The following PKN2 variants were observed in gnomAD, a reference collection of about 807,000 sequenced individuals.
The protein encoded by PKN2 is protein kinase N2.
In PKN2, 38 loss-of-function variants were observed where a neutral mutation model predicts 119.1. The observed-to-expected ratio is 0.32, with a 90% confidence interval of 0.25 to 0.42. The LOEUF (loss-of-function observed/expected upper bound fraction) is 0.42, where lower values mean the gene tolerates loss of function less well. PKN2 is among the 10% of genes least tolerant of loss of function. The pLI is 1.00. For missense variants in PKN2, 850 were observed against 1,165.1 expected (o/e 0.73, Z 3.94); for synonymous variants, 390 against 384.9 (o/e 1.01, Z -0.15).
chr1:88,832,359 T>G (rs148584624), intron 19 of PKN2, among the ~76,000 whole-genome samples: 1 of 152,006 alleles, frequency 6.6e-6, no homozygotes, highest in East Asian at 1.9e-4. Flanking sequence ...TATTCCCTAC[T>G]GTCTGTTAGA....
chr1:88,693,284 A>T (rs1666402199), intron 1 of PKN2, among the ~76,000 whole-genome samples: 1 of 152,188 alleles, frequency 6.6e-6, no homozygotes, highest in African/African-American at 2.4e-5. Flanking sequence ...ATCAGATTTA[A>T]TACTGGATAT....
intron 18 of PKN2, among the ~76,000 whole-genome samples, chr1:88,827,980 C>T (rs1407059979): frequency 1.3e-5 from 2 of 152,040 alleles, no homozygotes; most frequent in Non-Finnish European, 2.9e-5. Context: ...CCGCCTCGGC[C>T]TCCCAAAGTG....
intron 16 of PKN2, among the ~76,000 whole-genome samples, chr1:88,818,753 G>C (rs1048038301): frequency 6.6e-6 from 1 of 152,038 alleles, no homozygotes; most frequent in African/African-American, 2.4e-5. Flanking sequence ...AAATTTGGAG[G>C]CATCACGCTA....
At chr1:88,690,451 TTACTC>T (rs770500123) in intron 1 of PKN2, among the ~76,000 whole-genome samples, 2 of 152,236 alleles carry the variant, frequency 1.3e-5, no homozygotes, top group Non-Finnish European at 2.9e-5. Context: ...AAAGCCAATT[TTACTC>T]TACAGTATAT....
At position 88,823,468 on chromosome 1, in the gene PKN2, G is replaced by A. The variant is rs113872346; in HGVS notation, c.2343-842G>A. 2.8e-3 allele frequency among the ~76,000 whole-genome samples: 420 copies of A among 152,066 alleles called. 4 individuals are homozygous for A. Among genetic ancestry groups the A allele is most frequent in the Middle Eastern group, 6.8e-3 (2 of 294 alleles). The stretch of plus-strand genomic sequence containing the variant: ...TGTAATCCCAGCACTTTTGGAGGCC[G>A]AGGCAGGTGGATCACCTGAGGTCAG... On this transcript the variant is annotated intron_variant, in intron 17 of 21. Transcript: ENST00000370521.
intron 1 of PKN2, among the ~76,000 whole-genome samples, chr1:88,686,240 G>A (rs969856313): frequency 6.6e-6 from 1 of 152,108 alleles, no homozygotes; most frequent in African/African-American, 2.4e-5. Context: ...GGTTTTGATT[G>A]AGAAAGATGA....
rs531179479 is a variant in PKN2 at position 88,794,826 on chromosome 1, T to G, written c.1281+8613T>G. Reference sequence around the variant, plus strand: ...CTATTTACCCTAAAACCAATGTTACTCTGAAGCATTTCTTTACTGATACTG... The same window carrying G: ...CTATTTACCCTAAAACCAATGTTACGCTGAAGCATTTCTTTACTGATACTG... On this transcript the variant is annotated intron_variant, in intron 8 of 21. Transcript: ENST00000370521. 2.0e-5 allele frequency among the ~76,000 whole-genome samples: 3 copies of G among 152,286 alleles called. No individual in the cohort carries two copies. The South Asian group carries it at 6.2e-4, about 32-fold the overall frequency.
chr1:88,798,172 A>G (rs1671167255), intron 8 of PKN2, among the ~76,000 whole-genome samples: 1 of 151,780 alleles, frequency 6.6e-6, no homozygotes, highest in African/African-American at 2.4e-5. Flanking sequence ...TTCTACCAAC[A>G]TGAGCTTGCA....
intron 15 of PKN2, among the ~76,000 whole-genome samples, chr1:88,811,334 T>C (rs753715140): frequency 1.3e-5 from 2 of 152,194 alleles, no homozygotes; most frequent in African/African-American, 2.4e-5. Flanking sequence ...AATGATGTTT[T>C]CCCCTGACTA....
chr1:88,733,659 A>C (rs1668231452), intron 1 of PKN2, among the ~76,000 whole-genome samples: 1 of 152,136 alleles, frequency 6.6e-6, no homozygotes, highest in African/African-American at 2.4e-5. Flanking sequence ...TGTTACCTTT[A>C]CTATGCAGAA....
chr1:88,779,695 T>C (rs183976610), intron 6 of PKN2, among the ~76,000 whole-genome samples: 47 of 152,348 alleles, frequency 3.1e-4, no homozygotes, highest in African/African-American at 9.6e-4. Context: ...ATGAAAGTGT[T>C]CTTCAATATT....
rs113723336 is a variant in PKN2 at position 88,765,514 on chromosome 1, A to G, written c.505-4838A>G. Among the ~76,000 whole-genome samples the G allele has an allele frequency of 9.9e-3, 1,510 of 152,254 alleles. 22 individuals are homozygous for G. The highest frequency in any genetic ancestry group is 0.034 in the African/African-American group (1,426 of 41,542). On this transcript the variant is annotated intron_variant, in intron 3 of 21. Transcript: ENST00000370521. ...ATATAGAAAAAAGTTGCACATATTT[A>G]GTTATACATTTCAATTAATTTGTAT... is the stretch of plus-strand genomic sequence containing the variant.
chr1:88,827,435 T>C (rs1187535834), intron 18 of PKN2, among the ~76,000 whole-genome samples: 1 of 151,922 alleles, frequency 6.6e-6, no homozygotes, highest in Non-Finnish European at 1.5e-5. Context: ...ACCTTATACA[T>C]AGCCTGAAGG....
At chr1:88,828,410 T>C in intron 18 of PKN2, 71 bp from the exon 19 acceptor site, 1 of 1,378,694 alleles carries the variant, frequency 7.3e-7, no homozygotes, top group Non-Finnish European at 1.0e-6. Flanking sequence ...CTCCCAAAGA[T>C]AGCTTTGATT....
At chr1:88,751,984 G>A (rs1669019115) in intron 2 of PKN2, among the ~76,000 whole-genome samples, 1 of 152,098 alleles carries the variant, frequency 6.6e-6, no homozygotes, top group African/African-American at 2.4e-5. Context: ...TTTGTCTTCA[G>A]TGTTCTGGAC....
chr1:88,759,817 G>C (rs1669365944), intron 2 of PKN2, among the ~76,000 whole-genome samples: 1 of 152,112 alleles, frequency 6.6e-6, no homozygotes, highest in South Asian at 2.1e-4. Context: ...ACTGAGCCAG[G>C]AAGAAATAGA....
At chr1:88,804,614 A>T in intron 9 of PKN2, 80 bp downstream of exon 9, 1 of 1,368,772 alleles carries the variant, frequency 7.3e-7, no homozygotes, top group South Asian at 1.2e-5. Context: ...AAGTAGAAAG[A>T]GTGTTAGGCT....
chr1:88,686,876 C>G (rs1314494496), intron 1 of PKN2, among the ~76,000 whole-genome samples: 6 of 152,014 alleles, frequency 3.9e-5, no homozygotes, highest in Non-Finnish European at 1.5e-5. Context: ...GACTGAAATA[C>G]TGTTTAATAT....
Position 88,824,355 on chromosome 1 carries a change from G to C in PKN2, c.2388G>C (p.Val796=), listed in dbSNP as rs1368257087. ...DNLLLDTEGF[V]KIADFGLCKE... ...TATTGCTAGATACAGAGGGCTTTGT[G>C]AAAATTGCTGATTTTGGTCTTTGCA... The change falls in exon 18 of 22, where the codon GTG becomes GTC. Residue 796 remains valine (V), a synonymous_variant. Coordinates refer to ENST00000370521, the MANE Select transcript of PKN2 (RefSeq NM_006256.4). 3 of 1,600,240 alleles carry C rather than the reference G, an allele frequency of 1.9e-6. No homozygotes were observed. In the African/African-American group the frequency reaches 4.0e-5, roughly 21 times the overall value.
Sources: allele counts gnomAD v4.1 joint callset (sites outside exome capture counted in the v4.1 genomes callset), GRCh38; gene constraint gnomAD v4.1.1; transcripts MANE v1.5; gene names NCBI Gene and HGNC (gene_info 2026-07-23, HGNC 2026-07-21).